PIK3C2G: variants seen among roughly 807,000 people sequenced by gnomAD.
PIK3C2G encodes the protein phosphatidylinositol-4-phosphate 3-kinase catalytic subunit type 2 gamma.
In PIK3C2G, 168 loss-of-function variants were observed where a neutral mutation model predicts 181.1. The ratio of observed to expected loss-of-function variants is 0.93; its 90% CI spans 0.82 to 1.05. PIK3C2G has a LOEUF of 1.05. Ranked by LOEUF, PIK3C2G falls within the 50% of genes least tolerant of loss-of-function variation. The pLI is 0.00. For synonymous variants in PIK3C2G, 573 were observed against 592.2 expected (o/e 0.97, Z 0.47); for missense variants, 1,869 against 1,732.8 (o/e 1.08, Z -1.40).
At chr12:18,331,721 A>T (rs1278929483) in intron 8 of PIK3C2G, among the ~76,000 whole-genome samples, 1 of 152,090 alleles carries the variant, frequency 6.6e-6, no homozygotes, top group Admixed American at 6.6e-5. Context: ...TAAGAACAGA[A>T]TCCCCGCCTT....
rs1344663732 is a variant in PIK3C2G at position 18,282,461 on chromosome 12, G to A, written c.380G>A (p.Gly127Glu). The stretch of plus-strand genomic sequence containing the variant: ...AATACGAATAAAGAATGCTCCTGGG[G>A]AAGCCCCATAGGAAAACATCATGGT... ...PQNTNKECSW[G>E]SPIGKHHGAD... The change falls in exon 2 of 33, where the codon GGA (glycine) becomes GAA (glutamate). Residue 127 changes from glycine (G) to glutamate (E), a missense_variant. Coordinates refer to ENST00000538779, the MANE Select transcript of PIK3C2G (RefSeq NM_001288772.2). 6.3e-7 allele frequency: 1 copy of A among 1,592,524 alleles called. No homozygotes were observed. The highest frequency in any genetic ancestry group is 8.6e-7 in the Non-Finnish European group (1 of 1,167,754).
At chr12:18,683,289 C>T in the PIK3C2G span, 1 of 1,612,610 alleles carries the variant, frequency 6.2e-7, no homozygotes, top group Non-Finnish European at 8.5e-7. Context: ...TCAAGGCTCT[C>T]ACCCATTCTG....
At chr12:18,651,962 C>T (rs1950539136), downstream of PIK3C2G, among the ~76,000 whole-genome samples, 2 of 152,118 alleles carry the variant, frequency 1.3e-5, no homozygotes, top group South Asian at 4.1e-4. Flanking sequence ...TTCCAAAAAG[C>T]TCATCTCTCC....
intron 31 of PIK3C2G, among the ~76,000 whole-genome samples, chr12:18,613,217 C>T (rs1948431939): frequency 6.6e-6 from 1 of 151,990 alleles, no homozygotes; most frequent in South Asian, 2.1e-4. Flanking sequence ...CTGCTCTCTT[C>T]TCCCTGCTCC....
chr12:18,453,776 T>G (rs1286671779), intron 18 of PIK3C2G, among the ~76,000 whole-genome samples: 1 of 152,138 alleles, frequency 6.6e-6, no homozygotes, highest in African/African-American at 2.4e-5. Flanking sequence ...AAAAAAAAAG[T>G]ATGCAAGTGA....
At chr12:18,422,445 G>A (rs1278415113) in intron 17 of PIK3C2G, among the ~76,000 whole-genome samples, 2 of 151,990 alleles carry the variant, frequency 1.3e-5, no homozygotes, top group African/African-American at 2.4e-5. Flanking sequence ...CTTGAATCAT[G>A]CTATTTTGTT....
chr12:18,267,104 T>C (rs1348486008), intron 1 of PIK3C2G, among the ~76,000 whole-genome samples: 1 of 152,120 alleles, frequency 6.6e-6, no homozygotes, highest in Non-Finnish European at 1.5e-5. Context: ...TCACATCTTA[T>C]ACTTTCTCTC....
the PIK3C2G span, chr12:18,683,621 C>T: frequency 7.1e-7 from 1 of 1,405,204 alleles, no homozygotes; most frequent in Non-Finnish European, 9.4e-7. Flanking sequence ...TTCCTAGGCA[C>T]ATCTCAGATG....
At chr12:18,408,130 T>A (rs1944643533) in intron 16 of PIK3C2G, among the ~76,000 whole-genome samples, 1 of 152,190 alleles carries the variant, frequency 6.6e-6, no homozygotes, top group African/African-American at 2.4e-5. Context: ...TTCCATTAAG[T>A]CTTTGCCCAT....
chr12:18,381,598 T>C (rs1297746033), intron 13 of PIK3C2G, among the ~76,000 whole-genome samples, 168 bp from the exon 14 acceptor site: 1 of 152,248 alleles, frequency 6.6e-6, no homozygotes, highest in Non-Finnish European at 1.5e-5. Flanking sequence ...AAACGAACTG[T>C]TAATCAGTGT....
At chr12:18,292,027 G>A (rs1265324333) in intron 4 of PIK3C2G, among the ~76,000 whole-genome samples, 3 of 150,822 alleles carry the variant, frequency 2.0e-5, no homozygotes, top group Non-Finnish European at 3.0e-5. Flanking sequence ...TGACCAACAT[G>A]GAGAAACCCC....
the PIK3C2G span, among the ~76,000 whole-genome samples, chr12:18,700,679 T>A: frequency 1.3e-5 from 2 of 152,262 alleles, no homozygotes; most frequent in Admixed American, 6.5e-5. Context: ...TGACTTTATG[T>A]GAGACACTAT....
the PIK3C2G span, chr12:18,685,425 T>G: frequency 5.0e-6 from 1 of 199,268 alleles, no homozygotes; most frequent in South Asian, 8.8e-5. Context: ...ATCATGTGTA[T>G]TATTTTTCAT....
At chr12:18,683,876 G>A in the PIK3C2G span, among the ~76,000 whole-genome samples, 2 of 151,790 alleles carry the variant, frequency 1.3e-5, no homozygotes, top group East Asian at 3.9e-4. Flanking sequence ...AGAAGAACTA[G>A]GATGCATGTA....
intron 16 of PIK3C2G, among the ~76,000 whole-genome samples, chr12:18,403,124 A>G (rs1401176227): frequency 6.6e-6 from 1 of 152,148 alleles, no homozygotes; most frequent in Non-Finnish European, 1.5e-5. Flanking sequence ...GTTTTTTAAA[A>G]TTGTAAATAG....
At chr12:18,623,526 T>G (rs1948958261) in intron 31 of PIK3C2G, among the ~76,000 whole-genome samples, 1 of 151,816 alleles carries the variant, frequency 6.6e-6, no homozygotes, top group Non-Finnish European at 1.5e-5. Context: ...TGGAGTTTTT[T>G]GTGGTTCCAC....
chr12:18,649,518 G>A (rs745696759), downstream of PIK3C2G, among the ~76,000 whole-genome samples: 22 of 151,884 alleles, frequency 1.4e-4, no homozygotes, highest in South Asian at 6.2e-4. Flanking sequence ...AAACTTTCTC[G>A]TTACCCCACT....
At chr12:18,668,295 C>T in the PIK3C2G span, among the ~76,000 whole-genome samples, 319 of 152,320 alleles carry the variant, frequency 2.1e-3, 1 homozygote, top group African/African-American at 7.2e-3. Context: ...ACCTTCCCTA[C>T]GGATAATAAT....
rs185379042 is a variant in PIK3C2G at position 18,554,467 on chromosome 12, G to T, written c.3590+8035G>T. ...ATTAGAATATAAACTGTAAAGTTTG[G>T]AGTCAAATGTGTACCTACACATTAC... On this transcript the variant is annotated intron_variant, in intron 26 of 32. Transcript: ENST00000538779. 1.4e-4 allele frequency among the ~76,000 whole-genome samples: 21 copies of T among 152,074 alleles called. No homozygotes were observed. In the East Asian group the frequency reaches 4.1e-3, roughly 29 times the overall value.
Sources: allele counts gnomAD v4.1 joint callset (sites outside exome capture counted in the v4.1 genomes callset), GRCh38; gene constraint gnomAD v4.1.1; transcripts MANE v1.5; gene names NCBI Gene and HGNC (gene_info 2026-07-23, HGNC 2026-07-21).